The following TBXAS1 variants were observed in gnomAD, a reference collection of about 807,000 sequenced individuals.
TBXAS1 encodes thromboxane-A synthase.
In TBXAS1, 48 loss-of-function variants were observed where a neutral mutation model predicts 60.7. That is an observed-to-expected ratio of 0.79 (90% CI 0.63 to 1.01). The LOEUF (loss-of-function observed/expected upper bound fraction) is 1.01, where lower values mean the gene tolerates loss of function less well. Among genes scored for constraint, TBXAS1 ranks in the 50% least tolerant of loss-of-function variants. The pLI, the probability that TBXAS1 is intolerant of heterozygous loss-of-function variation, is 0.00. For missense variants in TBXAS1, 685 were observed against 686.3 expected (o/e 1.00, Z 0.02); for synonymous variants, 287 against 269.7 (o/e 1.06, Z -0.63).
chr7:139,927,156 G>A (rs1213500174), intron 4 of TBXAS1, among the ~76,000 whole-genome samples: 4 of 148,378 alleles, frequency 2.7e-5, no homozygotes, highest in Non-Finnish European at 4.4e-5. Context: ...CACCACGCCC[G>A]GCTATTTTTT....
At chr7:139,979,248 G>A (rs1460967529) in intron 9 of TBXAS1, among the ~76,000 whole-genome samples, 1 of 152,110 alleles carries the variant, frequency 6.6e-6, no homozygotes, top group Admixed American at 6.5e-5. Flanking sequence ...CCTCTCTAGG[G>A]TGTCCCCTCT....
At chr7:139,846,000 T>A (rs1243292698) in intron 1 of TBXAS1, among the ~76,000 whole-genome samples, 1 of 151,900 alleles carries the variant, frequency 6.6e-6, no homozygotes, top group Admixed American at 6.6e-5. Flanking sequence ...ATTTTTTGTA[T>A]TTTTTTGTAG....
upstream of TBXAS1, among the ~76,000 whole-genome samples, chr7:139,825,120 C>A (rs982047058): frequency 8.0e-6 from 1 of 124,680 alleles, no homozygotes; most frequent in Non-Finnish European, 1.6e-5. Context: ...TGAGCCACTG[C>A]GCCCAGCCTG....
In TBXAS1 at chr7:139,955,553, C is replaced by T; in HGVS notation, c.634C>T (p.His212Tyr). The change falls in exon 7 of 13, where the codon CAC (histidine) becomes TAC (tyrosine). Residue 212 changes from histidine to tyrosine, a missense_variant. Transcript: ENST00000448866. ...GGCCCCTGAGGATCCCTTTGTGAAA[C>T]ACTGCAAGCGTTTCTTCGAATTCTG... ...WQAPEDPFVK[H>Y]CKRFFEFCIP... The T allele has an allele frequency of 6.2e-7, 1 of 1,614,234 alleles. No individual in the cohort carries two copies. Among genetic ancestry groups the T allele is most frequent in the East Asian group, 2.2e-5 (1 of 44,882 alleles).
intron 1 of TBXAS1, among the ~76,000 whole-genome samples, chr7:139,864,196 A>G (rs1025136950): frequency 2.0e-5 from 3 of 152,168 alleles, no homozygotes; most frequent in Non-Finnish European, 4.4e-5. Context: ...ATGTAAACCA[A>G]TAAAACTAAT....
intron 1 of TBXAS1, among the ~76,000 whole-genome samples, chr7:139,839,316 G>A (rs1218824369): frequency 6.6e-6 from 1 of 152,218 alleles, no homozygotes; most frequent in Non-Finnish European, 1.5e-5. Flanking sequence ...GAAGGGGAAA[G>A]CAGTTTCATG....
chr7:140,013,857 C>T lies in TBXAS1; in HGVS notation c.1227-1866C>T, dbSNP rs1384641020. Among the ~76,000 whole-genome samples, 1 of 152,270 alleles carries T rather than the reference C, an allele frequency of 6.6e-6. No individual in the cohort carries two copies. The highest frequency in any genetic ancestry group is 1.5e-5 in the Non-Finnish European group (1 of 68,054). On this transcript the variant is annotated intron_variant, in intron 10 of 12. Transcript: ENST00000448866. The surrounding 1 kb of genome is among the most constrained non-coding windows in gnomAD (Gnocchi z 4.2). ...CCCAAACCCAGGTCCTAAACTACCT[C>T]TCACTGTGCATCGCAAGTCACTGCC...
At position 139,957,625 on chromosome 7, in the gene TBXAS1, T is replaced by C. The variant is rs1446137046; in HGVS notation, c.689-9T>C. 1.2e-6 allele frequency: 2 copies of C among 1,614,052 alleles called. No homozygotes were observed. The highest frequency in any genetic ancestry group is 1.1e-5 in the South Asian group (1 of 91,088). On this transcript the variant is annotated splice_polypyrimidine_tract_variant and intron_variant, in intron 7 of 12. Coordinates refer to ENST00000448866, the MANE Select transcript of TBXAS1 (RefSeq NM_001061.7). ...CTTTTCAATGCCACTTTTGTTTTTC[T>C]CTTTCAAGTATCATTTCCATCCATA...
chr7:139,886,996 A>G (rs1803164853), intron 3 of TBXAS1, among the ~76,000 whole-genome samples: 1 of 152,168 alleles, frequency 6.6e-6, no homozygotes, highest in Non-Finnish European at 1.5e-5. Context: ...TGGAATGGAC[A>G]CTTAGCATCC....
upstream of TBXAS1, among the ~76,000 whole-genome samples, chr7:139,826,360 T>A (rs2116460173): frequency 6.6e-6 from 1 of 152,134 alleles, no homozygotes; most frequent in African/African-American, 2.4e-5. Flanking sequence ...GATGGGGTGG[T>A]GCAGTTGGGG....
At chr7:139,842,347 C>A (rs1799504449) in intron 1 of TBXAS1, among the ~76,000 whole-genome samples, 2 of 152,082 alleles carry the variant, frequency 1.3e-5, no homozygotes, top group Admixed American at 1.3e-4. Flanking sequence ...CTCAGCGATG[C>A]CTTCCCGGGA....
At chr7:139,847,402 T>C (rs1423287384) in intron 1 of TBXAS1, among the ~76,000 whole-genome samples, 1 of 152,204 alleles carries the variant, frequency 6.6e-6, no homozygotes, top group Non-Finnish European at 1.5e-5. Flanking sequence ...GATCTTTTGT[T>C]TCCTGCTCAC....
At chr7:139,941,006 T>C (rs1408212353) in intron 5 of TBXAS1, among the ~76,000 whole-genome samples, 1 of 152,060 alleles carries the variant, frequency 6.6e-6, no homozygotes, top group Non-Finnish European at 1.5e-5. Flanking sequence ...CGTATACACA[T>C]ACAAAAAGTC....
chr7:139,834,698 G>A (rs770432696), intron 1 of TBXAS1, among the ~76,000 whole-genome samples: 5 of 151,994 alleles, frequency 3.3e-5, no homozygotes, highest in Non-Finnish European at 7.4e-5. Context: ...ACACCTTTAC[G>A]CACATAAACT....
intron 9 of TBXAS1, among the ~76,000 whole-genome samples, chr7:139,972,947 C>T (rs923962613): frequency 4.6e-5 from 7 of 151,854 alleles, no homozygotes; most frequent in African/African-American, 9.7e-5. Context: ...TGAGGGGGGA[C>T]GAGCAGGGAG....
intron 3 of TBXAS1, among the ~76,000 whole-genome samples, chr7:139,879,396 T>C (rs1802508179): frequency 6.6e-6 from 1 of 152,186 alleles, no homozygotes; most frequent in African/African-American, 2.4e-5. Flanking sequence ...AAAACTCTCC[T>C]GAATTGCACA....
chr7:139,898,185 A>G (rs955148362), intron 3 of TBXAS1, among the ~76,000 whole-genome samples: 1 of 152,188 alleles, frequency 6.6e-6, no homozygotes, highest in East Asian at 1.9e-4. Context: ...AGTAGCGTCT[A>G]CCCCTTTCCT....
At chr7:140,010,995 C>T (rs931883671) in intron 10 of TBXAS1, among the ~76,000 whole-genome samples, 4 of 151,618 alleles carry the variant, frequency 2.6e-5, no homozygotes, top group Non-Finnish European at 5.9e-5. Flanking sequence ...AAAACAGTCC[C>T]GGCCGGGTGT....
In TBXAS1 at chr7:139,975,394, T is replaced by C. The variant is rs1389574370; in HGVS notation, c.1134+13161T>C. Among the ~76,000 whole-genome samples, 1 of 152,188 alleles carries C rather than the reference T, an allele frequency of 6.6e-6. No individual in the cohort carries two copies. The highest frequency in any genetic ancestry group is 6.5e-5 in the Admixed American group (1 of 15,284). On this transcript the variant is annotated intron_variant, in intron 9 of 12. Coordinates refer to ENST00000448866, the MANE Select transcript of TBXAS1 (RefSeq NM_001061.7). The surrounding 1 kb of genome is among the most constrained non-coding windows in gnomAD (Gnocchi z 4.4). ...CGTTTCCCGACTCCTTAGTCTGTAT[T>C]CTTTTCAACCTTGTCTCTAATATTC... is the stretch of plus-strand genomic sequence containing the variant.
Sources: gnomAD v4.1 joint callset for allele counts (sites outside exome capture counted in the v4.1 genomes callset) on GRCh38, gnomAD v4.1.1 for gene constraint, Gnocchi (gnomAD v3.1) non-coding constraint, MANE v1.5 for transcripts, NCBI Gene and HGNC (gene_info 2026-07-23, HGNC 2026-07-21) for gene names.